POC1B: variants seen among roughly 807,000 people sequenced by gnomAD.
POC1B encodes the protein POC1 centriolar protein B.
POC1B carries 44 observed loss-of-function variants against 60.6 expected under a neutral mutation model. The observed-to-expected ratio is 0.73, with a 90% CI of 0.57 to 0.93. The LOEUF is 0.93. Among genes scored for constraint, POC1B ranks in the 40% least tolerant of loss-of-function variants. The probability of loss-of-function intolerance (pLI) is 0.00; values close to 1 mark genes in which losing one functional copy is unlikely to be tolerated. For missense variants in POC1B, 555 were observed against 572.3 expected, an observed-to-expected ratio of 0.97 and a Z score of 0.31; for synonymous variants, 180 against 198.9, an observed-to-expected ratio of 0.90 and a Z score of 0.80.
At chr12:89,433,002 T>C (rs1881101156) in intron 10 of POC1B, among the ~76,000 whole-genome samples, 1 of 152,154 alleles carries the variant, frequency 6.6e-6, no homozygotes, top group South Asian at 2.1e-4. Flanking sequence ...GGAAAGAGCT[T>C]CCAGGAGGAA....
At chr12:89,492,176 C>G in intron 3 of POC1B, 61 bp from the exon 4 acceptor site, 1 of 1,252,540 alleles carries the variant, frequency 8.0e-7, no homozygotes, top group Non-Finnish European at 1.1e-6. Context: ...AATACTTAAT[C>G]ACAATACAGA....
intron 4 of POC1B, among the ~76,000 whole-genome samples, chr12:89,482,713 A>C (rs1329542646): frequency 1.3e-5 from 2 of 152,196 alleles, no homozygotes; most frequent in African/African-American, 4.8e-5. Flanking sequence ...GGTAGCATAT[A>C]AACAACAGAA....
chr12:89,442,404 G>C (rs962013298), intron 10 of POC1B, among the ~76,000 whole-genome samples: 14 of 152,202 alleles, frequency 9.2e-5, no homozygotes, highest in Admixed American at 3.9e-4. Flanking sequence ...AACAGCAGAT[G>C]TCTCGGCAGA....
At chr12:89,464,808 A>G (rs1882624060) in intron 9 of POC1B, among the ~76,000 whole-genome samples, 1 of 151,678 alleles carries the variant, frequency 6.6e-6, no homozygotes, top group African/African-American at 2.4e-5. Flanking sequence ...TCAGGAAAAA[A>G]AAAAAAAAAA....
chr12:89,446,102 C>T (rs912156774), intron 10 of POC1B, among the ~76,000 whole-genome samples: 3 of 151,886 alleles, frequency 2.0e-5, no homozygotes, highest in African/African-American at 7.3e-5. Context: ...AGTCAGGAAA[C>T]AACAGGTGCT....
downstream of POC1B, among the ~76,000 whole-genome samples, chr12:89,416,279 A>T (rs1444001874): frequency 1.3e-5 from 2 of 152,170 alleles, no homozygotes; most frequent in Admixed American, 1.3e-4. Flanking sequence ...AGGGATACGC[A>T]AGCTGCCTTT....
At chr12:89,406,209 C>T in the POC1B span, among the ~76,000 whole-genome samples, 1 of 152,016 alleles carries the variant, frequency 6.6e-6, no homozygotes, top group Non-Finnish European at 1.5e-5. Flanking sequence ...ATTGTCATGA[C>T]TAGGCAAAGT....
intron 10 of POC1B, chr12:89,426,513 T>A (rs1033565726): frequency 6.6e-6 from 1 of 151,992 alleles, no homozygotes; most frequent in Non-Finnish European, 1.5e-5. Context: ...GCATAAAAAA[T>A]ATTTATGAAA....
chr12:89,419,500 A>C (rs752696408), downstream of POC1B, among the ~76,000 whole-genome samples: 5 of 152,044 alleles, frequency 3.3e-5, no homozygotes, highest in Non-Finnish European at 7.4e-5. Context: ...TAAAGTGTGG[A>C]CCTCAGGCCA....
At chr12:89,469,299 T>G (rs1297928235) in intron 7 of POC1B, among the ~76,000 whole-genome samples, 8 of 152,156 alleles carry the variant, frequency 5.3e-5, no homozygotes, top group Admixed American at 5.2e-4. Flanking sequence ...TTGATCTATA[T>G]GCCAGGGAGG....
chr12:89,413,797 T>C, the POC1B span, among the ~76,000 whole-genome samples: 2 of 152,222 alleles, frequency 1.3e-5, no homozygotes, highest in Non-Finnish European at 2.9e-5. Context: ...ATTACCTTTG[T>C]ATTGTGTGAA....
intron 4 of POC1B, among the ~76,000 whole-genome samples, chr12:89,474,944 C>T (rs1592611849): frequency 6.6e-6 from 1 of 152,234 alleles, no homozygotes; most frequent in East Asian, 1.9e-4. Context: ...GAAAAATTTT[C>T]ACCCACTGAT....
At chr12:89,464,248 G>C (rs998279758) in intron 9 of POC1B, among the ~76,000 whole-genome samples, 2 of 152,014 alleles carry the variant, frequency 1.3e-5, no homozygotes, top group African/African-American at 4.8e-5. Flanking sequence ...ACTGAATTTA[G>C]TATTTCAAAG....
In POC1B at chr12:89,523,068, T is replaced by C. The variant is rs1480894369; in HGVS notation, c.100+2052A>G. The C allele has an allele frequency of 6.2e-6, 10 of 1,613,886 alleles. No homozygotes were observed. In the African/African-American group the frequency reaches 1.2e-4, roughly 19 times the overall value. ...ATAACTCTGTCACAGAATTAAACCT[T>C]ATTTCTTTGTTTGAAGTATATTCAA... On this transcript the variant is annotated intron_variant, in intron 2 of 11. Transcript: ENST00000313546.
intron 2 of POC1B, chr12:89,524,253 T>C (rs1403097768): frequency 1.2e-6 from 2 of 1,614,014 alleles, no homozygotes. Flanking sequence ...TGATGGCGTA[T>C]CTCTCAATGA....
chr12:89,446,827 G>A (rs1881812865), intron 10 of POC1B, among the ~76,000 whole-genome samples: 1 of 152,084 alleles, frequency 6.6e-6, no homozygotes, highest in Non-Finnish European at 1.5e-5. Flanking sequence ...GGTTGTTATA[G>A]GGAAACATAA....
intron 2 of POC1B, among the ~76,000 whole-genome samples, chr12:89,518,407 G>A (rs1870573496): frequency 6.6e-6 from 1 of 152,148 alleles, no homozygotes; most frequent in Non-Finnish European, 1.5e-5. Flanking sequence ...CTGTTCTAAA[G>A]TCTAGCATGC....
intron 2 of POC1B, chr12:89,523,633 G>A: frequency 1.3e-6 from 2 of 1,542,394 alleles, no homozygotes; most frequent in Non-Finnish European, 1.7e-6. Context: ...CATGGTAGGT[G>A]ATCTGATGGG....
intron 11 of POC1B, among the ~76,000 whole-genome samples, chr12:89,424,110 T>C (rs1880653918): frequency 6.6e-6 from 1 of 152,248 alleles, no homozygotes; most frequent in South Asian, 2.1e-4. Context: ...AATCATATGA[T>C]GACTCCAAGT....
Sources: gnomAD v4.1 joint callset for allele counts (sites outside exome capture counted in the v4.1 genomes callset) on GRCh38, gnomAD v4.1.1 for gene constraint, MANE v1.5 for transcripts, NCBI Gene and HGNC (gene_info 2026-07-23, HGNC 2026-07-21) for gene names.